The following GALNT13 variants were observed in gnomAD, a reference collection of about 807,000 sequenced individuals.
GALNT13 encodes UDP-GalNAc:polypeptide N-acetylgalactosaminyltransferase 13.
GALNT13 carries 28 observed loss-of-function variants against 64.2 expected under a neutral mutation model. The ratio of observed to expected loss-of-function variants is 0.44; its 90% CI spans 0.32 to 0.60. The LOEUF (loss-of-function observed/expected upper bound fraction) is 0.60, where lower values mean the gene tolerates loss of function less well. Among genes scored for constraint, GALNT13 ranks in the 20% least tolerant of loss-of-function variants. The pLI is 0.05. For synonymous variants in GALNT13, 214 were observed against 224.6 expected, an observed-to-expected ratio of 0.95 and a Z score of 0.42; for missense variants, 577 against 669.8, an observed-to-expected ratio of 0.86 and a Z score of 1.53.
At chr2:154,194,910 A>G (rs1186317102) in intron 4 of GALNT13, among the ~76,000 whole-genome samples, 1 of 150,138 alleles carries the variant, frequency 6.7e-6, no homozygotes, top group East Asian at 2.0e-4. Context: ...CAGAACGTAC[A>G]GGTTTGTTAC....
the GALNT13 span, among the ~76,000 whole-genome samples, chr2:153,077,714 G>C: frequency 1.3e-5 from 2 of 152,098 alleles, no homozygotes; most frequent in Non-Finnish European, 2.9e-5. Flanking sequence ...AGAAAAATCT[G>C]AGTCACAATA....
At chr2:154,325,159 A>G (rs1402123183) in intron 9 of GALNT13, among the ~76,000 whole-genome samples, 1 of 152,014 alleles carries the variant, frequency 6.6e-6, no homozygotes, top group Non-Finnish European at 1.5e-5. Context: ...AATGCTTCAT[A>G]TTAGAGAGCC....
the GALNT13 span, among the ~76,000 whole-genome samples, chr2:153,407,207 C>T: frequency 8.5e-5 from 13 of 152,272 alleles, no homozygotes; most frequent in African/African-American, 2.6e-4. Context: ...CCCCAGCCCT[C>T]CAGAAACAGA....
chr2:153,669,502 A>G, the GALNT13 span, among the ~76,000 whole-genome samples: 4 of 152,346 alleles, frequency 2.6e-5, no homozygotes, highest in South Asian at 8.3e-4. Context: ...TTAAGACTAA[A>G]ATAGAAGTTA....
the GALNT13 span, among the ~76,000 whole-genome samples, chr2:153,369,048 T>A: frequency 6.6e-6 from 1 of 152,018 alleles, no homozygotes; most frequent in Non-Finnish European, 1.5e-5. Context: ...TATTTGGAAA[T>A]TAAGTATCAT....
At chr2:153,816,396 T>C in the GALNT13 span, among the ~76,000 whole-genome samples, 1 of 152,010 alleles carries the variant, frequency 6.6e-6, no homozygotes, top group African/African-American at 2.4e-5. Flanking sequence ...TGGTAAGCAA[T>C]GAGAAGTGGT....
intron 8 of GALNT13, among the ~76,000 whole-genome samples, chr2:154,294,412 G>A (rs1256325486): frequency 6.6e-6 from 1 of 152,142 alleles, no homozygotes; most frequent in African/African-American, 2.4e-5. Context: ...AAAGGAGTGA[G>A]ACCATTGGAA....
chr2:153,539,642 A>C, the GALNT13 span, among the ~76,000 whole-genome samples: 1 of 151,586 alleles, frequency 6.6e-6, no homozygotes, highest in Non-Finnish European at 1.5e-5. Context: ...CCATTTATTA[A>C]ATAGGGAATC....
At chr2:153,151,156 T>G in the GALNT13 span, among the ~76,000 whole-genome samples, 7 of 152,068 alleles carry the variant, frequency 4.6e-5, no homozygotes, top group African/African-American at 2.4e-5. Flanking sequence ...AGCAGTGGTT[T>G]GTAGTTCTCC....
the GALNT13 span, among the ~76,000 whole-genome samples, chr2:153,818,617 G>A: frequency 6.6e-6 from 1 of 152,124 alleles, no homozygotes; most frequent in Non-Finnish European, 1.5e-5. Context: ...GCTTTTCTCT[G>A]GTACAAAACT....
chr2:153,842,788 G>GTGTAAT, the GALNT13 span, among the ~76,000 whole-genome samples: 4 of 151,938 alleles, frequency 2.6e-5, no homozygotes, highest in African/African-American at 9.6e-5. Flanking sequence ...TAACCCAGAT[G>GTGTAAT]CTGTAATAAC....
At chr2:153,380,253 A>T in the GALNT13 span, among the ~76,000 whole-genome samples, 1 of 152,164 alleles carries the variant, frequency 6.6e-6, no homozygotes, top group African/African-American at 2.4e-5. Context: ...GTACACTCTA[A>T]GAACTATTTA....
chr2:154,334,133 T>C (rs866200347), intron 9 of GALNT13, among the ~76,000 whole-genome samples: 2 of 151,234 alleles, frequency 1.3e-5, no homozygotes, highest in Non-Finnish European at 3.0e-5. Context: ...TCCTTTACAA[T>C]TGACATTCTA....
chr2:153,479,596 T>C, the GALNT13 span, among the ~76,000 whole-genome samples: 1 of 152,174 alleles, frequency 6.6e-6, no homozygotes, highest in Admixed American at 6.5e-5. Context: ...GTAATTTTAA[T>C]TGCAGATAAG....
At chr2:154,060,342 T>G (rs1700111328) in intron 3 of GALNT13, among the ~76,000 whole-genome samples, 1 of 152,236 alleles carries the variant, frequency 6.6e-6, no homozygotes, top group African/African-American at 2.4e-5. Flanking sequence ...TAGAGTTATA[T>G]CTTTATTTTT....
At chr2:154,228,234 T>A (rs1024467115) in intron 4 of GALNT13, among the ~76,000 whole-genome samples, 1 of 125,150 alleles carries the variant, frequency 8.0e-6, no homozygotes. Context: ...TAAAATTAAA[T>A]GAGCGCTGGC....
the GALNT13 span, among the ~76,000 whole-genome samples, chr2:153,192,212 A>G: frequency 1.3e-5 from 2 of 151,816 alleles, no homozygotes; most frequent in Non-Finnish European, 2.9e-5. Context: ...TGTTTTTGCT[A>G]TATCTCATAG....
chr2:154,421,104 A>C (rs974142495), intron 11 of GALNT13, among the ~76,000 whole-genome samples: 5 of 152,142 alleles, frequency 3.3e-5, no homozygotes, highest in Admixed American at 6.5e-5. Flanking sequence ...TCATGTTCAA[A>C]TAGTTGACTA....
intron 3 of GALNT13, among the ~76,000 whole-genome samples, chr2:154,130,057 A>G (rs996561069): frequency 6.6e-6 from 1 of 152,094 alleles, no homozygotes; most frequent in Admixed American, 6.6e-5. Context: ...TAGGGTTATA[A>G]AGAAGCAACT....
Sources: gnomAD v4.1 joint callset for allele counts (sites outside exome capture counted in the v4.1 genomes callset) on GRCh38, gnomAD v4.1.1 for gene constraint, MANE v1.5 for transcripts, NCBI Gene and HGNC (gene_info 2026-07-23, HGNC 2026-07-21) for gene names.